Variants in KLHL32 observed in about 807,000 individuals in gnomAD.
KLHL32 encodes kelch like family member 32, also known as kelch-like protein 32.
A neutral mutation model predicts 64.8 loss-of-function variants in KLHL32; 35 were observed. The observed-to-expected ratio is 0.54, with a 90% CI of 0.41 to 0.72. The LOEUF (loss-of-function observed/expected upper bound fraction) is 0.72. Among genes scored for constraint, KLHL32 ranks in the 30% least tolerant of loss-of-function variants. The probability of loss-of-function intolerance (pLI) is 0.00; values close to 1 mark genes in which losing one functional copy is unlikely to be tolerated. For missense variants in KLHL32, 589 were observed against 768.5 expected, an observed-to-expected ratio of 0.77 and a Z score of 2.76; for synonymous variants, 259 against 281.0, an observed-to-expected ratio of 0.92 and a Z score of 0.78.
At chr6:97,054,178 A>G (rs1461407709) in intron 4 of KLHL32, among the ~76,000 whole-genome samples, 1 of 152,166 alleles carries the variant, frequency 6.6e-6, no homozygotes, top group African/African-American at 2.4e-5. Context: ...TACTTTTAAG[A>G]TGATTTATAT....
intron 3 of KLHL32, among the ~76,000 whole-genome samples, chr6:96,992,200 C>G (rs1057410149): frequency 2.0e-5 from 3 of 152,316 alleles, no homozygotes; most frequent in Non-Finnish European, 2.9e-5. Context: ...ATGCAGCTGC[C>G]GGTGTCCGGT....
Position 97,064,618 on chromosome 6 carries a change from A to C in KLHL32, c.313-10A>C, listed in dbSNP as rs1341175794. On this transcript the variant is annotated splice_polypyrimidine_tract_variant and intron_variant, in intron 4 of 10. Coordinates refer to ENST00000369261, the MANE Select transcript of KLHL32 (RefSeq NM_052904.4). ...ACTGATAGTTTTATTTTTGTTAACA[A>C]ACAAAACAGATTTTGCTGGAGCCAG... 1 of 1,611,782 alleles carries C rather than the reference A, an allele frequency of 6.2e-7. No homozygotes were observed. Among genetic ancestry groups the C allele is most frequent in the African/African-American group, 1.3e-5 (1 of 75,004 alleles).
chr6:97,118,629 A>AAAAAAAAAAG (rs1798055787), intron 7 of KLHL32, among the ~76,000 whole-genome samples: 1 of 144,350 alleles, frequency 6.9e-6, no homozygotes, highest in African/African-American at 2.6e-5. Flanking sequence ...CAAAAAAAAA[A>AAAAAAAAAAG]AAAAAGAATT....
rs202093124 is a variant in KLHL32 at position 97,085,266 on chromosome 6, G to A, written c.552G>A (p.Thr184=). 6.8e-6 allele frequency: 11 copies of A among 1,613,776 alleles called. No individual in the cohort carries two copies. In the Admixed American group the frequency reaches 1.2e-4, roughly 17 times the overall value. The change falls in exon 6 of 11, where the codon ACG becomes ACA. Residue 184 remains threonine (T), a synonymous_variant. Coordinates refer to ENST00000369261, the MANE Select transcript of KLHL32 (RefSeq NM_052904.4). The part of the protein sequence containing the change: ...LLKSRPEEVL[T]LPYCLLQEVL... Reference sequence around the variant, plus strand: ...AGAGCCGCCCAGAAGAAGTTCTAACGCTTCCCTATTGCCTGCTTCAGGAGG... The same window carrying A: ...AGAGCCGCCCAGAAGAAGTTCTAACACTTCCCTATTGCCTGCTTCAGGAGG...
intron 1 of KLHL32, among the ~76,000 whole-genome samples, chr6:96,946,257 T>G (rs913722811): frequency 4.6e-5 from 7 of 152,212 alleles, no homozygotes; most frequent in Admixed American, 1.3e-4. Flanking sequence ...ATAATATCTA[T>G]TTTCAGTTTC....
At chr6:97,071,487 A>C in intron 5 of KLHL32, among the ~76,000 whole-genome samples, 1 of 148,376 alleles carries the variant, frequency 6.7e-6, no homozygotes, top group African/African-American at 2.5e-5. Context: ...GCTCACTATC[A>C]CTCTCTTTCA....
intron 6 of KLHL32, chr6:97,105,503 C>G (rs1202110675): frequency 2.1e-6 from 1 of 471,058 alleles, no homozygotes; most frequent in South Asian, 1.5e-5. Flanking sequence ...TGGCTTACCT[C>G]AATGGGATGA....
intron 4 of KLHL32, among the ~76,000 whole-genome samples, chr6:97,049,656 A>G (rs1253422477): frequency 6.6e-6 from 1 of 152,190 alleles, no homozygotes; most frequent in Admixed American, 6.5e-5. Flanking sequence ...TGTCAGAGCT[A>G]TGCCAGAGTC....
At chr6:96,967,835 C>T (rs1774636107) in intron 2 of KLHL32, among the ~76,000 whole-genome samples, 1 of 152,050 alleles carries the variant, frequency 6.6e-6, no homozygotes, top group South Asian at 2.1e-4. Context: ...GGCTGTATAC[C>T]TGAGATTTGA....
chr6:97,124,855 G>T (rs1026731986), intron 7 of KLHL32, among the ~76,000 whole-genome samples: 1 of 152,158 alleles, frequency 6.6e-6, no homozygotes, highest in Non-Finnish European at 1.5e-5. Flanking sequence ...TGCTGAGAAA[G>T]AATTATTGAA....
chr6:97,135,894 A>T (rs1003622045), intron 10 of KLHL32, among the ~76,000 whole-genome samples: 5 of 152,210 alleles, frequency 3.3e-5, no homozygotes, highest in African/African-American at 1.2e-4. Flanking sequence ...CTTCTTTACT[A>T]CTTAAAGAAC....
intron 6 of KLHL32, among the ~76,000 whole-genome samples, chr6:97,087,566 C>T (rs1793610631): frequency 6.6e-6 from 1 of 152,076 alleles, no homozygotes; most frequent in Non-Finnish European, 1.5e-5. Context: ...AAGTGTGAAG[C>T]AAAAGGTGTT....
At chr6:96,987,782 C>T (rs976280901) in intron 3 of KLHL32, among the ~76,000 whole-genome samples, 1 of 152,054 alleles carries the variant, frequency 6.6e-6, no homozygotes, top group African/African-American at 2.4e-5. Flanking sequence ...AGAACAGAGC[C>T]CTCAGAAATA....
chr6:97,000,796 G>A (rs1238237185), intron 3 of KLHL32, among the ~76,000 whole-genome samples: 1 of 152,160 alleles, frequency 6.6e-6, no homozygotes, highest in African/African-American at 2.4e-5. Context: ...ATGTTACTCA[G>A]TAGGTGAATA....
At chr6:97,015,735 A>C (rs1222816431) in intron 3 of KLHL32, among the ~76,000 whole-genome samples, 1 of 152,160 alleles carries the variant, frequency 6.6e-6, no homozygotes, top group Admixed American at 6.5e-5. Flanking sequence ...GTTAATTGCC[A>C]AGACCATGGG....
chr6:97,085,239 G>C lies in KLHL32; in HGVS notation c.525G>C (p.Leu175=), dbSNP rs1562319964. Residue 175 remains leucine (L), a synonymous_variant, in exon 6 of 11, where the codon CTG becomes CTC. Coordinates refer to ENST00000369261, the MANE Select transcript of KLHL32 (RefSeq NM_052904.4). ...DFLVKHLSEL[L]KSRPEEVLTL... ...TAGTGAAACATCTCTCTGAACTCCT[G>C]AAGAGCCGCCCAGAAGAAGTTCTAA... is the stretch of plus-strand genomic sequence containing the variant. 6.2e-7 allele frequency: 1 copy of C among 1,614,028 alleles called. No homozygotes were observed. The highest frequency in any genetic ancestry group is 1.7e-5 in the Admixed American group (1 of 60,028).
chr6:97,027,990 A>C (rs191564745), intron 3 of KLHL32, among the ~76,000 whole-genome samples: 2 of 152,344 alleles, frequency 1.3e-5, no homozygotes, highest in Admixed American at 1.3e-4. Context: ...ATTGGAAGTC[A>C]ATATTTTGAA....
chr6:97,089,517 G>A (rs904204411), intron 6 of KLHL32, among the ~76,000 whole-genome samples: 3 of 151,894 alleles, frequency 2.0e-5, no homozygotes, highest in Admixed American at 6.6e-5. Flanking sequence ...GGTGGCTTAC[G>A]CCTGTAATCC....
At chr6:96,928,469 CA>C (rs1225047353) in intron 1 of KLHL32, among the ~76,000 whole-genome samples, 1 of 152,014 alleles carries the variant, frequency 6.6e-6, no homozygotes, top group Non-Finnish European at 1.5e-5. Flanking sequence ...TGGAGGAAGA[CA>C]AATTTGGGAA....
Sources: gnomAD v4.1 joint callset for allele counts (sites outside exome capture counted in the v4.1 genomes callset) on GRCh38, gnomAD v4.1.1 for gene constraint, MANE v1.5 for transcripts, NCBI Gene and HGNC (gene_info 2026-07-23, HGNC 2026-07-21) for gene names.